ADD3: variants seen among roughly 807,000 people sequenced by gnomAD.
ADD3 encodes the protein gamma-adducin.
In ADD3, 25 loss-of-function variants were observed where a neutral mutation model predicts 80.2. The ratio of observed to expected loss-of-function variants is 0.31; its 90% CI spans 0.23 to 0.44. The LOEUF (loss-of-function observed/expected upper bound fraction) is 0.44. ADD3 is among the 20% of genes least tolerant of loss of function. ADD3 has a pLI of 1.00. For missense variants in ADD3, 829 were observed against 847.5 expected (o/e 0.98, Z 0.27); for synonymous variants, 284 against 289.6 (o/e 0.98, Z 0.20).
chr10:110,017,245 T>G (rs914932221), intron 1 of ADD3, among the ~76,000 whole-genome samples: 2 of 152,230 alleles, frequency 1.3e-5, no homozygotes, highest in African/African-American at 4.8e-5. Context: ...AAGATTAGAA[T>G]GATATTTCTG....
chr10:110,027,458 C>T (rs755909507), intron 1 of ADD3, among the ~76,000 whole-genome samples: 13 of 151,952 alleles, frequency 8.6e-5, no homozygotes, highest in Non-Finnish European at 1.5e-4. Flanking sequence ...AAGAAACGGG[C>T]GGGAAATTAG....
chr10:110,107,112 G>A (rs1207682417), intron 2 of ADD3, among the ~76,000 whole-genome samples: 1 of 152,076 alleles, frequency 6.6e-6, no homozygotes, highest in African/African-American at 2.4e-5. Flanking sequence ...CACTCAGGGA[G>A]AATCTAGAAA....
At chr10:110,130,229 C>T in intron 12 of ADD3, 134 bp from the exon 13 acceptor site, 1 of 876,132 alleles carries the variant, frequency 1.1e-6, no homozygotes, top group South Asian at 1.7e-5. Flanking sequence ...TGTTACCTTG[C>T]ATTTCTTAGG....
intron 1 of ADD3, among the ~76,000 whole-genome samples, chr10:110,091,511 C>G (rs1847510043): frequency 6.6e-6 from 1 of 152,076 alleles, no homozygotes; most frequent in Non-Finnish European, 1.5e-5. Context: ...TTGACAAAGT[C>G]AACAATAACA....
At chr10:110,127,339 C>T (rs1852303716) in intron 12 of ADD3, among the ~76,000 whole-genome samples, 1 of 152,208 alleles carries the variant, frequency 6.6e-6, no homozygotes, top group African/African-American at 2.4e-5. Flanking sequence ...AAAGTCCCGG[C>T]TGGGTGCAGT....
intron 8 of ADD3, among the ~76,000 whole-genome samples, chr10:110,119,948 T>C (rs1437109288): frequency 1.3e-5 from 2 of 152,220 alleles, no homozygotes; most frequent in Non-Finnish European, 2.9e-5. Context: ...GGTCCAGAAG[T>C]TATATGAAAT....
chr10:110,124,100 T>C lies in ADD3; in HGVS notation c.1227T>C (p.Thr409=), dbSNP rs766376055. 1 of 1,614,162 alleles carries C rather than the reference T, an allele frequency of 6.2e-7. No homozygotes were observed. The highest frequency in any genetic ancestry group is 2.2e-5 in the East Asian group (1 of 44,886). ...AGAGTGATGTGGAAATCCCAGCAAC[T>C]GTGACTGCTTTTTCCTTTGAAGACG... ...RHKSDVEIPA[T]VTAFSFEDDT... The change falls in exon 10 of 15, where the codon ACT becomes ACC. Residue 409 remains threonine (T), a synonymous_variant. Transcript: ENST00000356080.
Position 110,010,484 on chromosome 10 carries a change from T to C in ADD3, c.-30+2185T>C, listed in dbSNP as rs535873993. 5.3e-5 allele frequency among the ~76,000 whole-genome samples: 8 copies of C among 152,334 alleles called. No homozygotes were observed. In the South Asian group the frequency reaches 1.4e-3, roughly 28 times the overall value. ...ACTTTAGCTTAACCGAGTTGTTATA[T>C]GTAAAGTGCTTAGAATGGGGTTTGT... On this transcript the variant is annotated intron_variant, in intron 1 of 14. Coordinates refer to ENST00000356080, the MANE Select transcript of ADD3 (RefSeq NM_016824.5).
intron 1 of ADD3, among the ~76,000 whole-genome samples, chr10:110,094,061 A>G (rs1847869537): frequency 6.6e-6 from 1 of 152,212 alleles, no homozygotes; most frequent in African/African-American, 2.4e-5. Context: ...ATAAACCACC[A>G]TTATACAACT....
At chr10:110,096,740 A>G (rs1848212241) in intron 1 of ADD3, among the ~76,000 whole-genome samples, 3 of 152,162 alleles carry the variant, frequency 2.0e-5, no homozygotes, top group Admixed American at 6.5e-5. Flanking sequence ...GTCAAAGCAA[A>G]TCACAAGTCC....
chr10:110,032,482 G>C (rs1396065797), intron 1 of ADD3, among the ~76,000 whole-genome samples: 1 of 152,230 alleles, frequency 6.6e-6, no homozygotes, highest in Non-Finnish European at 1.5e-5. Flanking sequence ...CCAGACTGGG[G>C]AAGTGGGCAG....
At chr10:110,047,127 A>C (rs1035954930) in intron 1 of ADD3, among the ~76,000 whole-genome samples, 1 of 152,218 alleles carries the variant, frequency 6.6e-6, no homozygotes, top group Non-Finnish European at 1.5e-5. Context: ...ATAGATAGCT[A>C]GTTCACAGTA....
At chr10:110,093,347 ACTTGT>A (rs948662711) in intron 1 of ADD3, among the ~76,000 whole-genome samples, 9 of 152,208 alleles carry the variant, frequency 5.9e-5, no homozygotes, top group Admixed American at 2.0e-4. Flanking sequence ...GGTGTATTAT[ACTTGT>A]CTTAACTCTT....
intron 1 of ADD3, among the ~76,000 whole-genome samples, chr10:110,071,272 T>G (rs1741344098): frequency 6.6e-6 from 1 of 152,176 alleles, no homozygotes; most frequent in African/African-American, 2.4e-5. Context: ...AGTAACATTT[T>G]TAACAAATTG....
In ADD3 at chr10:110,049,329, G is replaced by T. The variant is rs118185717; in HGVS notation, c.-30+41030G>T. 2.5e-4 allele frequency among the ~76,000 whole-genome samples: 38 copies of T among 152,326 alleles called. No homozygotes were observed. In the East Asian group the frequency reaches 6.6e-3, roughly 26 times the overall value. On this transcript the variant is annotated intron_variant, in intron 1 of 14. Coordinates refer to ENST00000356080, the MANE Select transcript of ADD3 (RefSeq NM_016824.5). The stretch of plus-strand genomic sequence containing the variant: ...TGTGGGGTTGAAGCCCCCACATACA[G>T]TTCCCACTGGGGTGCTGCCTAGTGG...
intron 1 of ADD3, among the ~76,000 whole-genome samples, chr10:110,009,494 T>C (rs961525287): frequency 4.6e-5 from 7 of 152,166 alleles, no homozygotes; most frequent in Non-Finnish European, 4.4e-5. Context: ...GTTAAAAATA[T>C]TTGTGTAATT....
intron 1 of ADD3, among the ~76,000 whole-genome samples, chr10:110,012,090 A>G (rs140870881): frequency 1.1e-4 from 17 of 152,358 alleles, no homozygotes; most frequent in Non-Finnish European, 2.5e-4. Flanking sequence ...GTGTGTGTCT[A>G]TGTATACGTA....
intron 8 of ADD3, among the ~76,000 whole-genome samples, chr10:110,120,081 T>C (rs1282390549): frequency 1.3e-5 from 2 of 152,124 alleles, no homozygotes; most frequent in African/African-American, 4.8e-5. Context: ...TTTTCTTTTT[T>C]TTTTAATTAT....
chr10:110,014,126 A>G (rs1417288577), intron 1 of ADD3, among the ~76,000 whole-genome samples: 1 of 152,214 alleles, frequency 6.6e-6, no homozygotes, highest in Non-Finnish European at 1.5e-5. Flanking sequence ...CTTACTTGGT[A>G]TATCTAAGGA....
Sources: allele counts gnomAD v4.1 joint callset (sites outside exome capture counted in the v4.1 genomes callset), GRCh38; gene constraint gnomAD v4.1.1; transcripts MANE v1.5; gene names NCBI Gene and HGNC (gene_info 2026-07-23, HGNC 2026-07-21).